Variants in AVIL observed in about 807,000 individuals in gnomAD.
AVIL encodes the protein advillin.
A neutral mutation model predicts 109.9 loss-of-function variants in AVIL; 78 were observed. The ratio of observed to expected loss-of-function variants is 0.71; its 90% CI spans 0.59 to 0.86. The LOEUF is 0.86. Among genes scored for constraint, AVIL ranks in the 40% least tolerant of loss-of-function variants. The pLI is 0.00. For missense variants in AVIL, 892 were observed against 1,016.5 expected (o/e 0.88, Z 1.67); for synonymous variants, 367 against 379.1 (o/e 0.97, Z 0.37).
chr12:57,816,700 CTTTTTTTTTT>C (rs11349032), intron 1 of AVIL, among the ~76,000 whole-genome samples: 8 of 93,486 alleles, frequency 8.6e-5, no homozygotes, highest in Non-Finnish European at 8.4e-5. Context: ...GGCTTTTGTC[CTTTTTTTTTT>C]TTTTTTTTTT....
rs1239767782 is a variant in AVIL at position 57,802,251 on chromosome 12, T to C, written c.2060A>G (p.Asp687Gly). 1 of 1,614,188 alleles carries C rather than the reference T, an allele frequency of 6.2e-7. No homozygotes were observed. Among genetic ancestry groups the C allele is most frequent in the Non-Finnish European group, 8.5e-7 (1 of 1,180,018 alleles). ...QYLHTHPSGR[D>G]PDTPILIIKQ... Reference sequence around the variant, plus strand: ...AATGATCAGGATTGGTGTGTCGGGATCTCGGCCGCTGGGGTGAGTGTGCAG... The same window carrying C: ...AATGATCAGGATTGGTGTGTCGGGACCTCGGCCGCTGGGGTGAGTGTGCAG... Residue 687 changes from aspartate (D) to glycine (G), a missense_variant, in exon 17 of 20, where the codon GAT becomes GGT. By Grantham distance (94) the Asp-to-Gly change is moderately conservative (BLOSUM62 -1). Transcript: ENST00000549994.
chr12:57,807,433 C>T lies in AVIL; in HGVS notation c.1389G>A (p.Val463=). 1.2e-6 allele frequency: 2 copies of T among 1,614,252 alleles called. No homozygotes were observed. Among genetic ancestry groups the T allele is most frequent in the South Asian group, 1.1e-5 (1 of 91,088 alleles). The change falls in exon 13 of 20, where the codon GTG becomes GTA. Residue 463 remains valine (V), a synonymous_variant. Transcript: ENST00000549994. ...LAASAYQAVE[V]DRQFDGAAVQ... is the part of the protein sequence containing the mutation. ...CAGCAGCCCCATCAAACTGCCGATC[C>T]ACCTCCACTGCCTGGTATGCTGAGG...
At position 57,810,463 on chromosome 12, in the gene AVIL, C is replaced by T. The variant is rs776452797; in HGVS notation, c.647G>A (p.Ser216Asn). Residue 216 changes from serine (S) to asparagine (N), a missense_variant, in exon 7 of 20, where the codon AGC becomes AAC. Physicochemically the swap from Ser to Asn is conservative, Grantham distance 46. Coordinates refer to ENST00000549994, the MANE Select transcript of AVIL (RefSeq NM_006576.4). ...GVIEGDKEAASPELMKVLQDT... is the reference protein window; with the variant it reads ...GVIEGDKEAANPELMKVLQDT... ...CTGAAGGACCTTCATCAGCTCTGGG[C>T]TGGCTGCCTCCTTGTCTCCCTCGAT... The T allele has an allele frequency of 7.4e-6, 12 of 1,614,072 alleles. No homozygotes were observed. In the East Asian group the frequency reaches 2.0e-4, roughly 27 times the overall value.
intron 2 of AVIL, chr12:57,815,487 A>C: frequency 1.0e-6 from 1 of 990,082 alleles, no homozygotes; most frequent in East Asian, 6.8e-5. Flanking sequence ...GTTCCCAGCT[A>C]TGGATTGCTG....
intron 4 of AVIL, among the ~76,000 whole-genome samples, chr12:57,812,635 C>T (rs1040630589): frequency 2.6e-5 from 4 of 152,218 alleles, no homozygotes; most frequent in Admixed American, 2.0e-4. Flanking sequence ...GCTGGGATTA[C>T]AGGCGTAAGC....
chr12:57,816,127 T>C, intron 1 of AVIL, 68 bp from the exon 2 acceptor site: 1 of 1,337,040 alleles, frequency 7.5e-7, no homozygotes. Context: ...CCAGTTTTTC[T>C]GCCGAGCTGC....
At chr12:57,798,189 T>G (rs907088252) in intron 19 of AVIL, among the ~76,000 whole-genome samples, 194 bp from the exon 20 acceptor site, 1 of 152,242 alleles carries the variant, frequency 6.6e-6, no homozygotes, top group African/African-American at 2.4e-5. Flanking sequence ...AGTCCCATTT[T>G]GGCCTGTGGC....
At chr12:57,817,980 A>G (rs1956117377) in intron 1 of AVIL, among the ~76,000 whole-genome samples, 1 of 152,048 alleles carries the variant, frequency 6.6e-6, no homozygotes, top group Admixed American at 6.6e-5. Context: ...ATTCTCAGAG[A>G]TGCCCTTTTG....
intron 16 of AVIL, among the ~76,000 whole-genome samples, chr12:57,803,045 G>A (rs908941524): frequency 5.3e-5 from 8 of 152,190 alleles, no homozygotes; most frequent in Non-Finnish European, 1.2e-4. Context: ...TGCCCAGGAT[G>A]GTGAGTTTCA....
intron 1 of AVIL, 163 bp from the exon 2 acceptor site, chr12:57,816,222 C>G: frequency 1.7e-6 from 1 of 600,562 alleles, no homozygotes. Context: ...AGGACTTGTC[C>G]AAGTGCACAT....
At chr12:57,806,625 T>A in intron 13 of AVIL, 86 bp from the exon 14 acceptor site, 7 of 1,474,572 alleles carry the variant, frequency 4.7e-6, no homozygotes, top group Non-Finnish European at 6.5e-6. Context: ...ACGTGAATGT[T>A]ATAGTATTAT....
intron 19 of AVIL, among the ~76,000 whole-genome samples, chr12:57,798,585 T>A (rs1955782564): frequency 6.6e-6 from 1 of 151,924 alleles, no homozygotes; most frequent in African/African-American, 2.4e-5. Context: ...TAAATCAACT[T>A]CTTCAAGGGG....
At position 57,807,882 on chromosome 12, in the gene AVIL, T is replaced by G. The variant is rs773043299; in HGVS notation, c.1195-155A>C. On this transcript the variant is annotated intron_variant, in intron 11 of 19. Transcript: ENST00000549994. The stretch of plus-strand genomic sequence containing the variant: ...CTCCCAGTGCTGAGGACTCATCACA[T>G]TTGCATGATTTGAATCGTGAGATGA... 10 of 1,085,660 alleles carry G rather than the reference T, an allele frequency of 9.2e-6. No homozygotes were observed. In the South Asian group the frequency reaches 1.3e-4, roughly 14 times the overall value. 67.3% of individuals were successfully genotyped at this position (1,085,660 alleles called of 1,614,324 possible). A position where few individuals can be genotyped will look rare whatever the true frequency, so the allele number is the denominator to read the frequency against.
chr12:57,802,118 T>C, intron 17 of AVIL, 42 bp downstream of exon 17: 1 of 1,603,562 alleles, frequency 6.2e-7, no homozygotes, highest in Non-Finnish European at 8.5e-7. Context: ...TGTTCTGAGC[T>C]ACCTGGCAGG....
chr12:57,814,168 C>T lies in AVIL; in HGVS notation c.125G>A (p.Cys42Tyr). 1 of 1,613,390 alleles carries T rather than the reference C, an allele frequency of 6.2e-7. No individual in the cohort carries two copies. Among genetic ancestry groups the T allele is most frequent in the South Asian group, 1.1e-5 (1 of 90,896 alleles). ...SAHGNFYEGD[C>Y]YVILSTRRVA... ...GGTGCTCACCGAGAGGATGACGTAG[C>T]AGTCCCCCTCATAGAAGTTGCCGTG... The change falls in exon 3 of 20, where the codon TGC becomes TAC. Residue 42 changes from cysteine to tyrosine, a missense_variant. By Grantham distance (194) the Cys-to-Tyr change is radical (BLOSUM62 -2). Transcript: ENST00000549994.
At chr12:57,818,405 GGTCT>G (rs766993346) in intron 1 of AVIL, among the ~76,000 whole-genome samples, 1 of 151,640 alleles carries the variant, frequency 6.6e-6, no homozygotes, top group Non-Finnish European at 1.5e-5. Context: ...AGGTGAAAGG[GGTCT>G]GTCTTTCCCA....
At chr12:57,802,979 A>T (rs1955880345) in intron 16 of AVIL, among the ~76,000 whole-genome samples, 1 of 152,154 alleles carries the variant, frequency 6.6e-6, no homozygotes, top group Non-Finnish European at 1.5e-5. Context: ...CTAAGACTAA[A>T]ATGATGATAG....
chr12:57,811,617 C>T (rs1956039518), intron 4 of AVIL, among the ~76,000 whole-genome samples: 1 of 152,224 alleles, frequency 6.6e-6, no homozygotes, highest in Admixed American at 6.5e-5. Context: ...GCCAGGGGTC[C>T]TGCACTTTAA....
In AVIL at chr12:57,804,699, C is replaced by A. The variant is rs150184191; in HGVS notation, c.1672-1030G>T. 6.4e-3 allele frequency among the ~76,000 whole-genome samples: 972 copies of A among 151,838 alleles called. 12 individuals are homozygous for A. The highest frequency in any genetic ancestry group is 0.022 in the African/African-American group (921 of 41,388). On this transcript the variant is annotated intron_variant, in intron 14 of 19. Coordinates refer to ENST00000549994, the MANE Select transcript of AVIL (RefSeq NM_006576.4). ...TGGCACACGCCTGTAATCCCAGCTA[C>A]TTGGGAGGCTGAGGCAGGAGAATCA...
Sources: gnomAD v4.1 joint callset for allele counts (sites outside exome capture counted in the v4.1 genomes callset) on GRCh38, gnomAD v4.1.1 for gene constraint, MANE v1.5 for transcripts, NCBI Gene and HGNC (gene_info 2026-07-23, HGNC 2026-07-21) for gene names.